DCAF17: variants seen among roughly 807,000 people sequenced by gnomAD.
The protein encoded by DCAF17 is DDB1- and CUL4-associated factor 17.
Under a neutral mutation model 66.0 loss-of-function variants are expected in DCAF17, and 48 were observed. That is an observed-to-expected ratio of 0.73 (90% CI 0.58 to 0.92). The LOEUF (loss-of-function observed/expected upper bound fraction) is 0.92. Among genes scored for constraint, DCAF17 ranks in the 40% least tolerant of loss-of-function variants. The pLI, the probability that DCAF17 is intolerant of heterozygous loss-of-function variation, is 0.00. For missense variants in DCAF17, 562 were observed against 622.8 expected, an observed-to-expected ratio of 0.90 and a Z score of 1.04; for synonymous variants, 206 against 214.6, an observed-to-expected ratio of 0.96 and a Z score of 0.35.
chr2:171,444,310 C>A (rs956173789), intron 3 of DCAF17, among the ~76,000 whole-genome samples: 3 of 152,130 alleles, frequency 2.0e-5, no homozygotes, highest in African/African-American at 7.2e-5. Flanking sequence ...AGGAATATTT[C>A]TAAGTACAGG....
At chr2:171,445,365 T>TCCA (rs1694557718) in intron 3 of DCAF17, among the ~76,000 whole-genome samples, 1 of 152,156 alleles carries the variant, frequency 6.6e-6, no homozygotes, top group Non-Finnish European at 1.5e-5. Context: ...CCTCAAGTGA[T>TCCA]CCACCCTCCT....
rs915441365 is a variant in DCAF17 at position 171,483,638 on chromosome 2, A to G, written c.*2524A>G. On this transcript the variant is annotated 3_prime_UTR_variant, in exon 14 of 14. Coordinates refer to ENST00000375255, the MANE Select transcript of DCAF17 (RefSeq NM_025000.4). Reference sequence around the variant, plus strand: ...TTCTTCCACCAATTGAAAGTTTTGTATCTTACAGTTCTTTTTTTAAATAAT... The same window carrying G: ...TTCTTCCACCAATTGAAAGTTTTGTGTCTTACAGTTCTTTTTTTAAATAAT... 6.6e-6 allele frequency: 3 copies of G among 453,932 alleles called. No homozygotes were observed. The highest frequency in any genetic ancestry group is 6.0e-5 in the African/African-American group (3 of 50,008). 28.1% of individuals were successfully genotyped at this position (453,932 alleles called of 1,614,324 possible). A position where few individuals can be genotyped will look rare whatever the true frequency, so the allele number is the denominator to read the frequency against.
intron 8 of DCAF17, among the ~76,000 whole-genome samples, chr2:171,459,686 C>T (rs1382156992): frequency 1.3e-5 from 2 of 151,942 alleles, no homozygotes; most frequent in African/African-American, 2.4e-5. Flanking sequence ...GACCAAGAAA[C>T]AGAAATGAAT....
chr2:171,458,514 A>C (rs1232531072), intron 8 of DCAF17, 37 bp downstream of exon 8: 1 of 1,470,386 alleles, frequency 6.8e-7, no homozygotes, highest in East Asian at 2.3e-5. Context: ...ACCTTAAAAA[A>C]ATTAAGTGGT....
At position 171,483,495 on chromosome 2, in the gene DCAF17, T is replaced by C. The variant is rs1696828618; in HGVS notation, c.*2381T>C. The C allele has an allele frequency of 2.2e-6, 1 of 454,098 alleles. No individual in the cohort carries two copies. The highest frequency in any genetic ancestry group is 4.4e-6 in the Non-Finnish European group (1 of 226,782). 28.1% of individuals were successfully genotyped at this position (454,098 alleles called of 1,614,324 possible). A position where few individuals can be genotyped will look rare whatever the true frequency, so the allele number is the denominator to read the frequency against. ...ATGCAGCAAGCTTATTGTTCCTCAA[T>C]TTTTTACAATATTTATCACAACTCT... On this transcript the variant is annotated 3_prime_UTR_variant, in exon 14 of 14. Coordinates refer to ENST00000375255, the MANE Select transcript of DCAF17 (RefSeq NM_025000.4).
At chr2:171,454,756 G>A (rs1277110811) in intron 6 of DCAF17, among the ~76,000 whole-genome samples, 4 of 151,840 alleles carry the variant, frequency 2.6e-5, no homozygotes, top group Admixed American at 6.6e-5. Flanking sequence ...AATTAGCCAC[G>A]GGTGGTAGTG....
chr2:171,442,003 T>C (rs781413185), intron 2 of DCAF17, among the ~76,000 whole-genome samples: 2 of 152,092 alleles, frequency 1.3e-5, no homozygotes, highest in Non-Finnish European at 2.9e-5. Context: ...GTTTATAACT[T>C]CCTGCTTTAA....
At chr2:171,449,273 T>A (rs1213524942) in intron 4 of DCAF17, among the ~76,000 whole-genome samples, 3 of 152,190 alleles carry the variant, frequency 2.0e-5, no homozygotes, top group African/African-American at 7.2e-5. Flanking sequence ...CTCCTAAAGT[T>A]CTGGGATTAC....
In DCAF17 at chr2:171,484,199, CCTT is replaced by C. The variant is rs1482293024; in HGVS notation, c.*3089_*3091del. On this transcript the variant is annotated 3_prime_UTR_variant, in exon 14 of 14. Transcript: ENST00000375255. The stretch of plus-strand genomic sequence containing the variant: ...ATTAATCATTTTTATATTTTCTTCT[CCTT>C]CTTACCATGTTTACTTATATCATCC... The C allele has an allele frequency of 2.2e-6, 1 of 449,518 alleles. No homozygotes were observed. Among genetic ancestry groups the C allele is most frequent in the South Asian group, 1.6e-5 (1 of 62,648 alleles). The allele number at this position is 449,518 out of a possible 1,614,324, so 27.8% of individuals were successfully genotyped here.
chr2:171,482,157 G>A lies in DCAF17; in HGVS notation c.*1043G>A, dbSNP rs754514206. The A allele has an allele frequency of 2.2e-6, 1 of 450,324 alleles. No individual in the cohort carries two copies. Among genetic ancestry groups the A allele is most frequent in the Non-Finnish European group, 4.4e-6 (1 of 225,284 alleles). The allele number at this position is 450,324 out of a possible 1,614,324, so 27.9% of individuals were successfully genotyped here. ...AGAATGTTAAATAAAGGCAACCCAA[G>A]TAAAGGGAGAAAATGTTTCTTTGTG... On this transcript the variant is annotated 3_prime_UTR_variant, in exon 14 of 14. Transcript: ENST00000375255.
At chr2:171,435,626 C>T (rs1008181317) in intron 2 of DCAF17, among the ~76,000 whole-genome samples, 2 of 151,040 alleles carry the variant, frequency 1.3e-5, no homozygotes, top group Admixed American at 6.6e-5. Context: ...CAGTCAGCCT[C>T]ATCCACAACT....
At chr2:171,461,606 AATC>A (rs1295336516) in intron 8 of DCAF17, among the ~76,000 whole-genome samples, 4 of 152,284 alleles carry the variant, frequency 2.6e-5, no homozygotes, top group Admixed American at 2.6e-4. Context: ...CCAAGAAAAG[AATC>A]ATACCATAAG....
In DCAF17 at chr2:171,458,405, T is replaced by G. The variant is rs1015369709; in HGVS notation, c.766T>G (p.Cys256Gly). ...MQQKLDLGCA[C>G]RWGGTTGTVG... ...ACAGAAACTTGACTTAGGGTGTGCA[T>G]GCAGATGGGGTGGGACTACTGGAAC... The change falls in exon 8 of 14, where the codon TGC becomes GGC. Residue 256 changes from cysteine (C) to glycine (G), a missense_variant. Around this residue, in one of 3 missense-constraint regions of DCAF17, gnomAD observed 348 missense variants for 355.9 expected, o/e 0.98. Transcript: ENST00000375255. 5 of 1,614,004 alleles carry G rather than the reference T, an allele frequency of 3.1e-6. No individual in the cohort carries two copies. In the African/African-American group the frequency reaches 6.7e-5, roughly 22 times the overall value.
At chr2:171,436,176 T>A (rs1693931632) in intron 2 of DCAF17, among the ~76,000 whole-genome samples, 1 of 152,254 alleles carries the variant, frequency 6.6e-6, no homozygotes, top group Non-Finnish European at 1.5e-5. Flanking sequence ...TAAAGTTGAA[T>A]AATATTGCAT....
rs1694799716 is a variant in DCAF17 at position 171,449,010 on chromosome 2, T to C, written c.458+193T>C. On this transcript the variant is annotated intron_variant, in intron 4 of 13. Coordinates refer to ENST00000375255, the MANE Select transcript of DCAF17 (RefSeq NM_025000.4). ...GTATAGAGACCCTCTATCATTTGTC[T>C]TTTTTTTTTCTTTTTTAAGACAAGG... Among the ~76,000 whole-genome samples, 3 of 148,718 alleles carry C rather than the reference T, an allele frequency of 2.0e-5. No homozygotes were observed. In the South Asian group the frequency reaches 6.4e-4, roughly 32 times the overall value.
intron 10 of DCAF17, among the ~76,000 whole-genome samples, chr2:171,476,543 A>G (rs927205703): frequency 6.6e-6 from 1 of 152,224 alleles, no homozygotes; most frequent in Non-Finnish European, 1.5e-5. Context: ...GTTACAGCAT[A>G]GCAGAGGTAA....
At chr2:171,455,272 C>A (rs1695191259) in intron 6 of DCAF17, among the ~76,000 whole-genome samples, 1 of 152,060 alleles carries the variant, frequency 6.6e-6, no homozygotes, top group Admixed American at 6.5e-5. Flanking sequence ...GTTTTCTGTT[C>A]CTGTTTTAGT....
chr2:171,441,276 C>G (rs1694293025), intron 2 of DCAF17, among the ~76,000 whole-genome samples: 1 of 152,194 alleles, frequency 6.6e-6, no homozygotes, highest in African/African-American at 2.4e-5. Flanking sequence ...GGCTCTTTAC[C>G]TGGTTGTGGG....
chr2:171,458,943 A>C (rs1041491087), intron 8 of DCAF17, among the ~76,000 whole-genome samples: 3 of 152,232 alleles, frequency 2.0e-5, no homozygotes, highest in Non-Finnish European at 2.9e-5. Context: ...AATCACAAAA[A>C]GAAAATTATA....
Sources: allele counts gnomAD v4.1 joint callset (sites outside exome capture counted in the v4.1 genomes callset), GRCh38; gene constraint gnomAD v4.1.1; regional missense constraint gnomAD v4.1.1; transcripts MANE v1.5; gene names NCBI Gene and HGNC (gene_info 2026-07-23, HGNC 2026-07-21).